The following LRRC4C variants were observed in gnomAD, a reference collection of about 807,000 sequenced individuals.
LRRC4C encodes leucine rich repeat containing 4C, also known as leucine-rich repeat-containing protein 4C.
A neutral mutation model predicts 33.6 loss-of-function variants in LRRC4C; 5 were observed. That is an observed-to-expected ratio of 0.15 (90% CI 0.08 to 0.31). The LOEUF (loss-of-function observed/expected upper bound fraction) is 0.31, where lower values mean the gene tolerates loss of function less well. Among genes scored for constraint, LRRC4C ranks in the 10% least tolerant of loss-of-function variants. The pLI is 1.00. For missense variants in LRRC4C, 560 were observed against 796.7 expected (o/e 0.70, Z 3.58); for synonymous variants, 329 against 302.0 (o/e 1.09, Z -0.93).
chr11:40,298,711 T>C (rs761454602), intron 4 of LRRC4C, among the ~76,000 whole-genome samples: 54 of 151,692 alleles, frequency 3.6e-4, no homozygotes, highest in Admixed American at 6.6e-4. Flanking sequence ...ATAAAGAAAA[T>C]AGGTTTAATT....
intron 1 of LRRC4C, among the ~76,000 whole-genome samples, chr11:41,403,491 G>A (rs1042003777): frequency 2.0e-5 from 3 of 152,042 alleles, no homozygotes; most frequent in Admixed American, 6.6e-5. Context: ...AGAACCCCAT[G>A]TTAGGAAATT....
intron 1 of LRRC4C, among the ~76,000 whole-genome samples, chr11:40,989,917 C>T (rs1853389403): frequency 6.6e-6 from 1 of 151,658 alleles, no homozygotes; most frequent in Non-Finnish European, 1.5e-5. Context: ...TACATTATAA[C>T]AACTCTTTCA....
chr11:40,469,696 G>A (rs1249737534), intron 3 of LRRC4C, among the ~76,000 whole-genome samples: 1 of 152,158 alleles, frequency 6.6e-6, no homozygotes, highest in Non-Finnish European at 1.5e-5. Flanking sequence ...TTTGATGAGG[G>A]CAGGGGTGTT....
intron 2 of LRRC4C, among the ~76,000 whole-genome samples, chr11:40,840,404 T>C (rs1389954292): frequency 6.6e-6 from 1 of 152,146 alleles, no homozygotes; most frequent in African/African-American, 2.4e-5. Context: ...CCTTTAACTA[T>C]GAAACTGATT....
intron 3 of LRRC4C, among the ~76,000 whole-genome samples, chr11:40,534,980 T>A (rs1239743332): frequency 6.6e-6 from 1 of 152,118 alleles, no homozygotes; most frequent in East Asian, 1.9e-4. Context: ...GGTCTAAACA[T>A]ATGGTCCATG....
rs372499944 is a variant in LRRC4C, at chr11:40,115,922, G to A, written c.371C>T (p.Ala124Val). 3.6e-5 allele frequency: 58 copies of A among 1,613,916 alleles called. No individual in the cohort carries two copies. The highest frequency in any genetic ancestry group is 5.5e-5 in the South Asian group (5 of 91,060). ...TIEIGAFNGL[A>V]NLNTLELFDN... is the part of the protein sequence containing the mutation. ...AAAGAGTTCCAGAGTGTTGAGGTTC[G>A]CCAGACCATTGAAAGCCCCAATTTC... Residue 124 changes from alanine to valine, a missense_variant, in exon 7 of 7, where the codon GCG (alanine) becomes GTG (valine). Physicochemically the swap from Ala to Val is moderately conservative, Grantham distance 64. Around this residue, in one of 3 missense-constraint regions of LRRC4C, gnomAD observed 455 missense variants for 643.8 expected, o/e 0.71. Transcript: ENST00000528697. This position sits in a 1 kb window ranked among gnomAD's most constrained non-coding sequence, Gnocchi z 6.7.
At chr11:40,932,618 T>C (rs577159995) in intron 2 of LRRC4C, among the ~76,000 whole-genome samples, 2 of 152,116 alleles carry the variant, frequency 1.3e-5, no homozygotes, top group South Asian at 4.1e-4. Context: ...TAAAATTTAA[T>C]ATGAGGGATT....
chr11:40,449,689 G>T (rs113475219), intron 3 of LRRC4C, among the ~76,000 whole-genome samples: 2 of 152,222 alleles, frequency 1.3e-5, no homozygotes, highest in African/African-American at 4.8e-5. Context: ...ATGAATGGGG[G>T]CTAATACTTT....
chr11:41,152,168 C>A (rs1018852697), intron 1 of LRRC4C, among the ~76,000 whole-genome samples: 2 of 152,176 alleles, frequency 1.3e-5, no homozygotes, highest in African/African-American at 4.8e-5. Flanking sequence ...TTACTAGCTC[C>A]CAGGGACGGC....
chr11:40,997,815 G>A (rs1854093570), intron 1 of LRRC4C, among the ~76,000 whole-genome samples: 1 of 152,046 alleles, frequency 6.6e-6, no homozygotes, highest in Admixed American at 6.6e-5. Context: ...AAGATGTGTT[G>A]TGAGATGTAT....
intron 1 of LRRC4C, among the ~76,000 whole-genome samples, chr11:41,020,937 G>A (rs954500137): frequency 7.2e-5 from 11 of 152,034 alleles, no homozygotes. Context: ...CATCTGTCAA[G>A]CCTCAGCTGA....
chr11:41,192,426 T>C (rs952234546), intron 1 of LRRC4C, among the ~76,000 whole-genome samples: 15 of 146,272 alleles, frequency 1.0e-4, no homozygotes, highest in African/African-American at 2.1e-4. Flanking sequence ...CACACACACA[T>C]ATATATACAT....
At chr11:41,316,615 A>G (rs1343538802) in intron 1 of LRRC4C, among the ~76,000 whole-genome samples, 1 of 152,190 alleles carries the variant, frequency 6.6e-6, no homozygotes, top group East Asian at 1.9e-4. Flanking sequence ...ATTTTGTAGG[A>G]CTTCTTATAT....
At chr11:40,756,292 G>T (rs1277334559) in intron 2 of LRRC4C, among the ~76,000 whole-genome samples, 2 of 151,956 alleles carry the variant, frequency 1.3e-5, no homozygotes, top group East Asian at 1.9e-4. Flanking sequence ...ATCACTTAAG[G>T]TTATAAATAA....
At chr11:40,889,634 A>T (rs1400200981) in intron 2 of LRRC4C, among the ~76,000 whole-genome samples, 4 of 152,068 alleles carry the variant, frequency 2.6e-5, no homozygotes, top group Non-Finnish European at 4.4e-5. Flanking sequence ...ACCATCCATT[A>T]TCTCTTTTTG....
intron 2 of LRRC4C, among the ~76,000 whole-genome samples, chr11:40,671,013 T>G (rs772680639): frequency 3.3e-5 from 5 of 152,226 alleles, no homozygotes; most frequent in Non-Finnish European, 7.3e-5. Flanking sequence ...TCCGCCCGCC[T>G]TGGCCTCCCA....
chr11:40,380,555 T>G (rs1948825320), intron 3 of LRRC4C, among the ~76,000 whole-genome samples: 1 of 152,216 alleles, frequency 6.6e-6, no homozygotes, highest in East Asian at 1.9e-4. Flanking sequence ...TTGTTTCATT[T>G]CTGTGATTCA....
At chr11:40,321,814 G>T (rs532466384) in intron 3 of LRRC4C, among the ~76,000 whole-genome samples, 1 of 152,090 alleles carries the variant, frequency 6.6e-6, no homozygotes, top group Non-Finnish European at 1.5e-5. Context: ...CATTTCAATT[G>T]TATGTTCAGG....
At chr11:41,255,758 T>A (rs1948779210) in intron 1 of LRRC4C, among the ~76,000 whole-genome samples, 1 of 151,932 alleles carries the variant, frequency 6.6e-6, no homozygotes, top group African/African-American at 2.4e-5. Context: ...TTTCTATAAC[T>A]CTTAAGCTAA....
Sources: gnomAD v4.1 joint callset for allele counts (sites outside exome capture counted in the v4.1 genomes callset) on GRCh38, gnomAD v4.1.1 for gene constraint, gnomAD v4.1.1 regional missense constraint, Gnocchi (gnomAD v3.1) non-coding constraint, MANE v1.5 for transcripts, NCBI Gene and HGNC (gene_info 2026-07-23, HGNC 2026-07-21) for gene names.